Variants in M1AP observed in about 807,000 individuals in gnomAD.
The protein encoded by M1AP is meiosis 1 arrest protein.
Under a neutral mutation model 51.2 loss-of-function variants are expected in M1AP, and 39 were observed. The ratio of observed to expected loss-of-function variants is 0.76; its 90% confidence interval spans 0.59 to 1.00. The LOEUF is 1.00. Among genes scored for constraint, M1AP ranks in the 50% least tolerant of loss-of-function variants. The pLI is 0.00. For missense variants in M1AP, 545 were observed against 641.2 expected (o/e 0.85, Z 1.62); for synonymous variants, 251 against 249.2 (o/e 1.01, Z -0.07).
At chr2:74,579,779 T>C (rs1679294478) in intron 5 of M1AP, among the ~76,000 whole-genome samples, 1 of 152,044 alleles carries the variant, frequency 6.6e-6, no homozygotes, top group African/African-American at 2.4e-5. Context: ...CAATGTCTTC[T>C]TTCTTTTTTT....
At chr2:74,585,433 T>G (rs1679652213) in intron 4 of M1AP, among the ~76,000 whole-genome samples, 1 of 152,238 alleles carries the variant, frequency 6.6e-6, no homozygotes, top group Non-Finnish European at 1.5e-5. Flanking sequence ...AACTTTCTGA[T>G]CCTGCGAAGC....
At chr2:74,643,774 T>A (rs961811368) in intron 1 of M1AP, among the ~76,000 whole-genome samples, 1 of 151,988 alleles carries the variant, frequency 6.6e-6, no homozygotes, top group Non-Finnish European at 1.5e-5. Flanking sequence ...GTGTGTTTTT[T>A]TGGTAGAGAC....
At chr2:74,613,350 T>C (rs983367778) in intron 3 of M1AP, among the ~76,000 whole-genome samples, 2 of 152,230 alleles carry the variant, frequency 1.3e-5, no homozygotes, top group East Asian at 1.9e-4. Context: ...TTGTACATGA[T>C]GTTCCAGGCT....
rs778552358 is a variant in M1AP at position 74,581,754 on chromosome 2, C to G, written c.689G>C (p.Ser230Thr). The G allele has an allele frequency of 6.2e-7, 1 of 1,614,094 alleles. No homozygotes were observed. The highest frequency in any genetic ancestry group is 1.1e-5 in the South Asian group (1 of 91,086). The change falls in exon 5 of 11, where the codon AGT (serine) becomes ACT (threonine). Residue 230 changes from serine (S) to threonine (T), a missense_variant. By Grantham distance (58) the Ser-to-Thr change is moderately conservative (BLOSUM62 1). Coordinates refer to ENST00000421985, the MANE Select transcript of M1AP (RefSeq NM_001321739.2). The part of the protein sequence containing the change: ...EIFFKAWLHN[S>T]GTDQEQIHLL... The stretch of plus-strand genomic sequence containing the variant: ...ATGGATTTGTTCTTGGTCTGTTCCA[C>G]TGTTATGTAGCCAGGCTTTGAAGAA...
At chr2:74,586,460 T>C (rs1679715038) in intron 4 of M1AP, among the ~76,000 whole-genome samples, 1 of 152,188 alleles carries the variant, frequency 6.6e-6, no homozygotes, top group Non-Finnish European at 1.5e-5. Flanking sequence ...TCCTTAGTGC[T>C]TTCATTAATG....
chr2:74,581,939 C>CG, intron 4 of M1AP, 92 bp from the exon 5 acceptor site: 1 of 1,190,310 alleles, frequency 8.4e-7, no homozygotes, highest in Admixed American at 2.1e-5. Context: ...TTTTTTGAGA[C>CG]GGGGGTCTCA....
intron 2 of M1AP, among the ~76,000 whole-genome samples, chr2:74,637,731 T>C (rs1212466233): frequency 6.6e-6 from 1 of 152,200 alleles, no homozygotes; most frequent in Non-Finnish European, 1.5e-5. Flanking sequence ...ATTTCCAGCT[T>C]GGCTGATATG....
intron 9 of M1AP, 73 bp from the exon 10 acceptor site, chr2:74,559,782 T>A: frequency 1.4e-6 from 1 of 712,152 alleles, no homozygotes; most frequent in Non-Finnish European, 2.6e-6. Flanking sequence ...TGGTGCTCTA[T>A]AAATATTAAT....
chr2:74,585,138 C>T (rs1412341752), intron 4 of M1AP, among the ~76,000 whole-genome samples: 1 of 152,126 alleles, frequency 6.6e-6, no homozygotes, highest in East Asian at 1.9e-4. Context: ...CCACCTTGCC[C>T]AGCCTATATT....
chr2:74,575,304 G>A, intron 7 of M1AP, 134 bp downstream of exon 7: 1 of 1,474,720 alleles, frequency 6.8e-7, no homozygotes, highest in East Asian at 2.4e-5. Flanking sequence ...CCAAATTTCA[G>A]AGTATTTCCA....
At chr2:74,558,934 T>C in intron 10 of M1AP, 60 bp from the exon 11 acceptor site, 2 of 1,483,680 alleles carry the variant, frequency 1.3e-6, no homozygotes, top group Non-Finnish European at 9.0e-7. Flanking sequence ...ACCTATCCCA[T>C]TCTCTGTTGG....
chr2:74,576,511 G>A lies in M1AP; in HGVS notation c.877C>T (p.Leu293Phe), dbSNP rs766461019. 2 of 1,614,122 alleles carry A rather than the reference G, an allele frequency of 1.2e-6. No homozygotes were observed. Among genetic ancestry groups the A allele is most frequent in the East Asian group, 2.2e-5 (1 of 44,888 alleles). Reference protein sequence around the residue: ...MDDPKGDFITLYQMASQSSAS... With the variant: ...MDDPKGDFITFYQMASQSSAS... ...GATGACTGGGAAGCCATCTGGTAGA[G>A]TGTGATGAAGTCTCCTTTAGGGTCA... The change falls in exon 6 of 11, where the codon CTC becomes TTC. Residue 293 changes from leucine to phenylalanine, a missense_variant. Physicochemically the swap from Leu to Phe is conservative, Grantham distance 22. Transcript: ENST00000421985.
chr2:74,615,188 G>A, intron 2 of M1AP, 39 bp from the exon 3 acceptor site: 1 of 1,567,440 alleles, frequency 6.4e-7, no homozygotes, highest in Non-Finnish European at 8.8e-7. Flanking sequence ...AGTCTTTAGG[G>A]ACCAGGTTTC....
intron 4 of M1AP, among the ~76,000 whole-genome samples, chr2:74,595,039 T>C (rs1290745842): frequency 1.3e-5 from 2 of 152,070 alleles, no homozygotes; most frequent in South Asian, 2.1e-4. Flanking sequence ...ATCCTTTACA[T>C]ACAGGGAAAA....
chr2:74,586,554 A>G (rs749153332), intron 4 of M1AP, among the ~76,000 whole-genome samples: 5 of 152,128 alleles, frequency 3.3e-5, no homozygotes, highest in Non-Finnish European at 7.4e-5. Flanking sequence ...ATCCTCCCTT[A>G]TCTAGCTTTA....
intron 4 of M1AP, among the ~76,000 whole-genome samples, chr2:74,601,326 G>GA (rs1178793977): frequency 1.3e-5 from 2 of 151,382 alleles, no homozygotes; most frequent in South Asian, 2.1e-4. Flanking sequence ...ATAGCTAAAT[G>GA]AAAAAAAAGC....
chr2:74,640,113 A>G lies in M1AP; in HGVS notation c.163T>C (p.Leu55=). ...AGGGACATGCGGCTGGGGCCCATCA[A>G]GCTGCAGGCTAGAGAGAAGAAGTTC... The part of the protein sequence containing the change: ...LQNFFSLACS[L]MGPSRMSLFS... Residue 55 remains leucine (L), a synonymous_variant, in exon 2 of 11, where the codon TTG becomes CTG. Transcript: ENST00000421985. The G allele has an allele frequency of 1.9e-6, 3 of 1,614,226 alleles. No homozygotes were observed. The highest frequency in any genetic ancestry group is 2.5e-6 in the Non-Finnish European group (3 of 1,180,042).
At chr2:74,603,864 G>A (rs992009466) in intron 4 of M1AP, among the ~76,000 whole-genome samples, 11 of 152,146 alleles carry the variant, frequency 7.2e-5, no homozygotes, top group African/African-American at 2.2e-4. Flanking sequence ...GATGGGAGGG[G>A]GAGGAAGAGT....
chr2:74,635,913 T>G (rs932702648), intron 2 of M1AP, among the ~76,000 whole-genome samples: 3 of 152,098 alleles, frequency 2.0e-5, no homozygotes, highest in African/African-American at 7.2e-5. Context: ...ATGGTCTAGT[T>G]TGGCAAATGT....
Sources: gnomAD v4.1 joint callset for allele counts (sites outside exome capture counted in the v4.1 genomes callset) on GRCh38, gnomAD v4.1.1 for gene constraint, MANE v1.5 for transcripts, NCBI Gene and HGNC (gene_info 2026-07-23, HGNC 2026-07-21) for gene names.